FGD3: variants seen among roughly 807,000 people sequenced by gnomAD.
The protein encoded by FGD3 is FYVE, RhoGEF and PH domain containing 3, also known as FYVE, RhoGEF and PH domain-containing protein 3.
FGD3 carries 45 observed loss-of-function variants against 71.8 expected under a neutral mutation model. The observed-to-expected ratio is 0.63, with a 90% CI of 0.49 to 0.80. The LOEUF (loss-of-function observed/expected upper bound fraction) is 0.80. FGD3 is among the 30% of genes least tolerant of loss of function. FGD3 has a pLI of 0.00. For missense variants in FGD3, 844 were observed against 951.5 expected (o/e 0.89, Z 1.49); for synonymous variants, 378 against 392.8 (o/e 0.96, Z 0.44).
At chr9:93,026,329 C>A (rs2118817068) in intron 14 of FGD3, among the ~76,000 whole-genome samples, 1 of 152,320 alleles carries the variant, frequency 6.6e-6, no homozygotes, top group South Asian at 2.1e-4. Flanking sequence ...CAACGAAAAC[C>A]TGAGCTCCCT....
intron 3 of FGD3, among the ~76,000 whole-genome samples, chr9:92,991,120 C>T (rs1175560767): frequency 6.6e-6 from 1 of 151,990 alleles, no homozygotes; most frequent in Non-Finnish European, 1.5e-5. Flanking sequence ...ACCCTGTCAC[C>T]CAGGCTGGAG....
intron 8 of FGD3, 124 bp from the exon 9 acceptor site, chr9:93,013,728 C>T (rs1861537323): frequency 2.5e-6 from 3 of 1,223,924 alleles, no homozygotes; most frequent in South Asian, 1.3e-5. Flanking sequence ...CCCTCCCACC[C>T]TTGTCAGTAG....
intron 3 of FGD3, among the ~76,000 whole-genome samples, chr9:92,980,456 T>C (rs1859944871): frequency 6.6e-6 from 1 of 152,188 alleles, no homozygotes; most frequent in African/African-American, 2.4e-5. Context: ...TAGATATCTC[T>C]ATAGGTCTGA....
In FGD3 at chr9:92,966,974, T is replaced by TG. The variant is rs911993891; in HGVS notation, c.-217-8256dup. Among the ~76,000 whole-genome samples, 80 of 150,030 alleles carry TG rather than the reference T, an allele frequency of 5.3e-4. No homozygotes were observed. The East Asian group carries it at 0.011, about 22-fold the overall frequency. ...TCATCTTTTTTCTTTTTTTTTTTTT[T>TG]GGGGGGGGATGGAGTCTCACTCTGT... On this transcript the variant is annotated intron_variant, in intron 1 of 17. Transcript: ENST00000375482.
intron 1 of FGD3, among the ~76,000 whole-genome samples, chr9:92,957,677 C>CTTTTTTT (rs60726578): frequency 9.6e-4 from 98 of 102,222 alleles, no homozygotes; most frequent in East Asian, 8.0e-3. Flanking sequence ...ATTTTCTTTT[C>CTTTTTTT]TTTTTTTTTT....
At chr9:92,956,032 C>T (rs1859044858) in intron 1 of FGD3, among the ~76,000 whole-genome samples, 1 of 152,134 alleles carries the variant, frequency 6.6e-6, no homozygotes, top group African/African-American at 2.4e-5. Context: ...TCTGCATGTT[C>T]ATTGCCAGTA....
At chr9:92,982,448 A>G (rs1413865749) in intron 3 of FGD3, among the ~76,000 whole-genome samples, 3 of 152,182 alleles carry the variant, frequency 2.0e-5, no homozygotes, top group African/African-American at 7.2e-5. Flanking sequence ...ATAAACATGG[A>G]GGTGCAGCTG....
At chr9:93,030,034 C>T in intron 15 of FGD3, 38 bp downstream of exon 15, 2 of 1,602,534 alleles carry the variant, frequency 1.2e-6, no homozygotes, top group Non-Finnish European at 1.7e-6. Flanking sequence ...CAGGAGGCCA[C>T]CCTGTCCTCT....
chr9:93,023,795 CTTTTTTTTTTT>C (rs569058583), intron 14 of FGD3, among the ~76,000 whole-genome samples: 4 of 107,688 alleles, frequency 3.7e-5, no homozygotes, highest in Middle Eastern at 6.1e-3. Context: ...CCATCAGCAA[CTTTTTTTTTTT>C]TTTTTTTTTT....
chr9:93,029,017 T>G (rs1238908610), intron 14 of FGD3, among the ~76,000 whole-genome samples: 14 of 128,904 alleles, frequency 1.1e-4, no homozygotes, highest in East Asian at 6.8e-4. Context: ...TTTTTTTTTT[T>G]TTTTTTTTTT....
chr9:93,012,969 G>A (rs1861496325), intron 8 of FGD3, among the ~76,000 whole-genome samples: 1 of 150,588 alleles, frequency 6.6e-6, no homozygotes, highest in Non-Finnish European at 1.5e-5. Context: ...CAGCTCCCCA[G>A]TACATACCAG....
intron 1 of FGD3, chr9:92,974,565 C>T (rs1859652498): frequency 6.6e-6 from 1 of 152,300 alleles, no homozygotes; most frequent in African/African-American, 2.4e-5. Context: ...CTGCCAGAGC[C>T]CAGGCCTGCG....
chr9:92,976,105 G>T (rs1202390469), intron 2 of FGD3, 103 bp from the exon 3 acceptor site: 3 of 669,500 alleles, frequency 4.5e-6, no homozygotes, highest in East Asian at 2.8e-5. Context: ...GGCTTTCGGT[G>T]GGGGGCGGAG....
At chr9:93,014,167 A>G (rs1375817189) in intron 9 of FGD3, among the ~76,000 whole-genome samples, 169 bp downstream of exon 9, 1 of 152,084 alleles carries the variant, frequency 6.6e-6, no homozygotes, top group Non-Finnish European at 1.5e-5. Context: ...CCCCAGCCAT[A>G]GGGAGCCTCC....
chr9:93,006,200 T>C lies in FGD3; in HGVS notation c.837+20T>C, dbSNP rs368314790. ...ATCCAGGTAAGGCCGGCAGTGGGAG[T>C]GTGGACACAGATGTTCTCAAGATGC... On this transcript the variant is annotated intron_variant, in intron 6 of 17. Transcript: ENST00000375482. The C allele has an allele frequency of 3.6e-5, 55 of 1,533,184 alleles. 2 individuals carry two copies. Among genetic ancestry groups the C allele is most frequent in the African/African-American group, 3.2e-4 (23 of 72,642 alleles). The allele number at this position is 1,533,184 out of a possible 1,614,324, so 95.0% of individuals were successfully genotyped here. A position where few individuals can be genotyped will look rare whatever the true frequency, so the allele number is the denominator to read the frequency against.
At chr9:92,968,037 A>G (rs1859394595) in intron 1 of FGD3, among the ~76,000 whole-genome samples, 1 of 152,158 alleles carries the variant, frequency 6.6e-6, no homozygotes, top group Admixed American at 6.5e-5. Context: ...CCCTGCTTTC[A>G]AACCTTTTGG....
At chr9:92,966,269 G>A (rs1859321434) in intron 1 of FGD3, among the ~76,000 whole-genome samples, 1 of 152,120 alleles carries the variant, frequency 6.6e-6, no homozygotes, top group East Asian at 1.9e-4. Flanking sequence ...GTGAAATGGG[G>A]GCAGCCACAT....
At chr9:92,994,666 G>A (rs1028634072) in intron 3 of FGD3, among the ~76,000 whole-genome samples, 2 of 152,140 alleles carry the variant, frequency 1.3e-5, no homozygotes, top group African/African-American at 2.4e-5. Context: ...TGTAAGGAAG[G>A]GGTCCAGTTT....
chr9:92,968,755 T>C (rs1003769199), intron 1 of FGD3, among the ~76,000 whole-genome samples: 7 of 151,950 alleles, frequency 4.6e-5, no homozygotes, highest in African/African-American at 1.7e-4. Context: ...ATGCAAGCCA[T>C]CACGCCTGGC....
Sources: gnomAD v4.1 joint callset for allele counts (sites outside exome capture counted in the v4.1 genomes callset) on GRCh38, gnomAD v4.1.1 for gene constraint, MANE v1.5 for transcripts, NCBI Gene and HGNC (gene_info 2026-07-23, HGNC 2026-07-21) for gene names.